The following SEMA3E variants were observed in gnomAD, a reference collection of about 807,000 sequenced individuals.
The protein encoded by SEMA3E is semaphorin-3E.
Under a neutral mutation model 93.6 loss-of-function variants are expected in SEMA3E, and 49 were observed. The observed-to-expected ratio is 0.52, with a 90% confidence interval of 0.42 to 0.66. The LOEUF (loss-of-function observed/expected upper bound fraction) is 0.66, where lower values mean the gene tolerates loss of function less well. Among genes scored for constraint, SEMA3E ranks in the 30% least tolerant of loss-of-function variants. The pLI is 0.00. For synonymous variants in SEMA3E, 363 were observed against 330.7 expected (o/e 1.10, Z -1.06); for missense variants, 906 against 964.8 (o/e 0.94, Z 0.81).
intron 1 of SEMA3E, among the ~76,000 whole-genome samples, chr7:83,608,345 A>G (rs1293216766): frequency 6.6e-6 from 1 of 152,152 alleles, no homozygotes; most frequent in Non-Finnish European, 1.5e-5. Context: ...GGTTTCTCCT[A>G]TTACTGTATT....
chr7:83,532,789 A>T (rs1216745086), intron 1 of SEMA3E, among the ~76,000 whole-genome samples: 4 of 147,934 alleles, frequency 2.7e-5, no homozygotes, highest in African/African-American at 1.0e-4. Flanking sequence ...TTTTTTTTAA[A>T]AAAAGAAAGA....
chr7:83,572,771 G>A (rs215283), intron 1 of SEMA3E, among the ~76,000 whole-genome samples: 3,767 of 152,138 alleles, frequency 0.025, 152 homozygotes, highest in African/African-American at 0.086. Context: ...AATAAGCAAC[G>A]GGGAAAGGAT....
intron 1 of SEMA3E, among the ~76,000 whole-genome samples, chr7:83,559,611 A>G (rs1185750590): frequency 6.6e-6 from 1 of 152,020 alleles, no homozygotes; most frequent in African/African-American, 2.4e-5. Context: ...ACTCTAATTC[A>G]TTGTCGGTGG....
intron 1 of SEMA3E, among the ~76,000 whole-genome samples, chr7:83,573,611 T>C (rs1725806659): frequency 1.3e-5 from 2 of 152,042 alleles, no homozygotes; most frequent in South Asian, 2.1e-4. Context: ...TAAACATCTT[T>C]GTAATTTTCT....
In SEMA3E at chr7:83,407,228, C is replaced by A; in HGVS notation, c.682G>T (p.Val228Leu). Residue 228 changes from valine (V) to leucine (L), a missense_variant, in exon 7 of 17, where the codon GTA (valine) becomes TTA (leucine). Transcript: ENST00000643230. ...DERLLKEPKF[V>L]GSYMIPDNED... The stretch of plus-strand genomic sequence containing the variant: ...TTGTCAGGAATCATGTATGAACCTA[C>A]AAATTTTGGTTCTATAGGAGCAAAA... 1.2e-6 allele frequency: 2 copies of A among 1,612,828 alleles called. No homozygotes were observed. Among genetic ancestry groups the A allele is most frequent in the Non-Finnish European group, 1.7e-6 (2 of 1,179,546 alleles).
At chr7:83,413,554 G>A (rs993384858) in intron 5 of SEMA3E, among the ~76,000 whole-genome samples, 1 of 152,134 alleles carries the variant, frequency 6.6e-6, no homozygotes, top group Non-Finnish European at 1.5e-5. Context: ...TTGGGAGGAT[G>A]AGGATGGATG....
At chr7:83,593,567 G>C (rs564287586) in intron 1 of SEMA3E, among the ~76,000 whole-genome samples, 98 of 152,112 alleles carry the variant, frequency 6.4e-4, no homozygotes, top group African/African-American at 2.0e-3. Flanking sequence ...AAGAATAAGA[G>C]ATTCTTTCTA....
chr7:83,503,474 A>G (rs62477014), intron 1 of SEMA3E, among the ~76,000 whole-genome samples: 57,143 of 152,004 alleles, frequency 0.38, 11,504 homozygotes, highest in East Asian at 0.43. Flanking sequence ...TACTATTACT[A>G]TTAAAGTTTA....
chr7:83,524,246 T>G (rs1389687063), intron 1 of SEMA3E, among the ~76,000 whole-genome samples: 1 of 152,294 alleles, frequency 6.6e-6, no homozygotes, highest in Non-Finnish European at 1.5e-5. Context: ...GCTAATATTC[T>G]GTGAGTCCAC....
intron 1 of SEMA3E, among the ~76,000 whole-genome samples, chr7:83,508,068 G>T (rs1297263444): frequency 6.6e-6 from 1 of 152,054 alleles, no homozygotes; most frequent in Admixed American, 6.6e-5. Flanking sequence ...AAACTATCAA[G>T]TCTCAGCCTG....
At chr7:83,500,538 G>C (rs1162059068) in intron 1 of SEMA3E, among the ~76,000 whole-genome samples, 2 of 147,558 alleles carry the variant, frequency 1.4e-5, no homozygotes, top group African/African-American at 4.9e-5. Flanking sequence ...TAGTACAATA[G>C]CCCATATTTT....
chr7:83,427,583 G>A (rs990370448), intron 4 of SEMA3E, among the ~76,000 whole-genome samples: 1 of 152,134 alleles, frequency 6.6e-6, no homozygotes, highest in African/African-American at 2.4e-5. Flanking sequence ...GCTTTGCATA[G>A]ATCAAGCTAA....
At chr7:83,388,681 G>C (rs1187536098) in intron 14 of SEMA3E, among the ~76,000 whole-genome samples, 1 of 151,960 alleles carries the variant, frequency 6.6e-6, no homozygotes, top group African/African-American at 2.4e-5. Flanking sequence ...AAGTGAACCA[G>C]ATTCAATTCC....
chr7:83,641,078 A>AGC (rs1202874160), intron 1 of SEMA3E, among the ~76,000 whole-genome samples: 1 of 152,208 alleles, frequency 6.6e-6, no homozygotes, highest in African/African-American at 2.4e-5. Flanking sequence ...CACTAAATGC[A>AGC]GCACTGATGA....
intron 1 of SEMA3E, among the ~76,000 whole-genome samples, chr7:83,609,748 C>T (rs1385627328): frequency 6.6e-6 from 1 of 151,880 alleles, no homozygotes; most frequent in Admixed American, 6.6e-5. Flanking sequence ...AACAATCTTG[C>T]ATAAAACTTG....
intron 16 of SEMA3E, among the ~76,000 whole-genome samples, chr7:83,383,341 T>TA (rs1208496813): frequency 1.9e-4 from 29 of 148,912 alleles, no homozygotes; most frequent in African/African-American, 6.9e-4. Flanking sequence ...GTAATTATGT[T>TA]TCACAAAAAA....
At chr7:83,548,790 G>A (rs1791703077) in intron 1 of SEMA3E, among the ~76,000 whole-genome samples, 1 of 152,112 alleles carries the variant, frequency 6.6e-6, no homozygotes, top group Non-Finnish European at 1.5e-5. Flanking sequence ...ATGACTGCAT[G>A]CCTGAAGCAA....
intron 1 of SEMA3E, among the ~76,000 whole-genome samples, chr7:83,617,218 A>G (rs1461564163): frequency 6.6e-6 from 1 of 151,500 alleles, no homozygotes; most frequent in Non-Finnish European, 1.5e-5. Context: ...ATGTTCCTAT[A>G]TAATCTTCAT....
intron 1 of SEMA3E, among the ~76,000 whole-genome samples, chr7:83,558,210 A>T (rs1438485036): frequency 2.0e-5 from 3 of 152,178 alleles, no homozygotes; most frequent in African/African-American, 7.2e-5. Context: ...ATGTATATAT[A>T]TTTTTTAAAG....
Sources: allele counts gnomAD v4.1 joint callset (sites outside exome capture counted in the v4.1 genomes callset), GRCh38; gene constraint gnomAD v4.1.1; transcripts MANE v1.5; gene names NCBI Gene and HGNC (gene_info 2026-07-23, HGNC 2026-07-21).